The following HUWE1 variants were observed in gnomAD, a reference collection of about 807,000 sequenced individuals.
HUWE1 encodes the protein E3 ubiquitin-protein ligase HUWE1.
In HUWE1, 18 loss-of-function variants were observed where a neutral mutation model predicts 299.4. The ratio of observed to expected loss-of-function variants is 0.06; its 90% CI spans 0.04 to 0.09. The LOEUF (loss-of-function observed/expected upper bound fraction) is 0.09, where lower values mean the gene tolerates loss of function less well. Among genes scored for constraint, HUWE1 ranks in the 10% least tolerant of loss-of-function variants. The probability of loss-of-function intolerance (pLI) is 1.00; values close to 1 mark genes in which losing one functional copy is unlikely to be tolerated. For synonymous variants in HUWE1, 1,317 were observed against 1,286.1 expected (o/e 1.02, Z -0.51); for missense variants, 1,832 against 3,462.3 (o/e 0.53, Z 11.82).
In HUWE1 at chrX:53,534,087, G is replaced by C; in HGVS notation, c.12942C>G (p.Leu4314=). 1 of 1,210,769 alleles carries C rather than the reference G, an allele frequency of 8.3e-7. No homozygotes were observed. Among genetic ancestry groups the C allele is most frequent in the Non-Finnish European group, 1.1e-6 (1 of 894,521 alleles). The change falls in exon 83 of 84, where the codon CTC becomes CTG. Residue 4314 remains leucine (L), a synonymous_variant. Transcript: ENST00000262854. ...SKVPLQGFAA[L]EGMNGIQKFQ... is the part of the protein sequence containing the mutation. ...ACTTCTGAATGCCATTCATGCCTTC[G>C]AGGGCAGCAAAGCCTTGCAGGGGTA...
intron 8 of HUWE1, among the ~76,000 whole-genome samples, chrX:53,633,687 G>A (rs2067018584): frequency 8.9e-6 from 1 of 112,533 alleles, no homozygotes; most frequent in Admixed American, 9.4e-5. Flanking sequence ...AATAATTATT[G>A]AAAATCAAAT....
intron 26 of HUWE1, among the ~76,000 whole-genome samples, chrX:53,603,827 GTAT>G (rs1179825120): frequency 8.9e-6 from 1 of 112,186 alleles, no homozygotes; most frequent in Non-Finnish European, 1.9e-5. Flanking sequence ...TTTGGTAGGG[GTAT>G]TATTATTTCC....
chrX:53,651,678 G>A (rs2068482456), intron 4 of HUWE1, among the ~76,000 whole-genome samples: 1 of 111,174 alleles, frequency 9.0e-6, no homozygotes, highest in African/African-American at 3.3e-5. Context: ...CACACACGGA[G>A]GGCAGACTAT....
chrX:53,684,105 C>T (rs1850494795), intron 2 of HUWE1: 2 of 270,073 alleles, frequency 7.4e-6, no homozygotes, highest in Non-Finnish European at 1.3e-5. Context: ...GAAGTAGCTA[C>T]AGCTTCACCC....
chrX:53,663,678 T>C (rs1222452656), intron 3 of HUWE1, among the ~76,000 whole-genome samples: 1 of 110,806 alleles, frequency 9.0e-6, no homozygotes, highest in Non-Finnish European at 1.9e-5. Context: ...AAATTGGGGG[T>C]AGGGGACCAT....
chrX:53,561,433 C>A (rs1013152409), intron 55 of HUWE1, among the ~76,000 whole-genome samples: 2 of 112,808 alleles, frequency 1.8e-5, no homozygotes, highest in African/African-American at 6.4e-5. Context: ...GATTGCCCTG[C>A]CACTGTGGTG....
chrX:53,680,350 G>T (rs1434711069), intron 2 of HUWE1, among the ~76,000 whole-genome samples, 164 bp from the exon 3 acceptor site: 1 of 112,274 alleles, frequency 8.9e-6, no homozygotes, highest in Non-Finnish European at 1.9e-5. Flanking sequence ...GCTTTGAGAA[G>T]TAACTGAGGA....
At chrX:53,544,166 A>AC (rs1569416129) in intron 72 of HUWE1, among the ~76,000 whole-genome samples, 198 bp from the exon 73 acceptor site, 3 of 112,609 alleles carry the variant, frequency 2.7e-5, no homozygotes, top group Non-Finnish European at 5.6e-5. Flanking sequence ...ATGATGCTAG[A>AC]CAGACGGATG....
chrX:53,558,217 A>C (rs911509618), intron 59 of HUWE1, among the ~76,000 whole-genome samples: 9 of 111,867 alleles, frequency 8.0e-5, no homozygotes, highest in Non-Finnish European at 1.5e-4. Context: ...TTCAGAGTAC[A>C]AACATTTTCT....
rs782561903 is a variant in HUWE1 at position 53,577,221 on chromosome X, G to A, written c.5717-154C>T. Reference sequence around the variant, plus strand: ...GTTCAAGTACTCTACTATAAAACCTGGTTTATACTTTCCTTAAATTCCACA... The same window carrying A: ...GTTCAAGTACTCTACTATAAAACCTAGTTTATACTTTCCTTAAATTCCACA... On this transcript the variant is annotated intron_variant, in intron 43 of 83. Transcript: ENST00000262854. Among the ~76,000 whole-genome samples, 4 of 110,470 alleles carry A rather than the reference G, an allele frequency of 3.6e-5. No individual in the cohort carries two copies. The Admixed American group carries it at 3.8e-4, about 11-fold the overall frequency.
rs2060826543 is a variant in HUWE1, at chrX:53,532,734, G to C, written c.*575C>G. 1 of 108,965 alleles carries C rather than the reference G, an allele frequency of 9.2e-6. No homozygotes were observed. Among genetic ancestry groups the C allele is most frequent in the Non-Finnish European group, 1.9e-5 (1 of 52,498 alleles). The allele number at this position is 108,965 out of a possible 1,213,427, so 9.0% of individuals were successfully genotyped here. On this transcript the variant is annotated 3_prime_UTR_variant, in exon 84 of 84. Transcript: ENST00000262854. ...TCTTTTCTCCAGATGCCTAGCATGTGCTTAAGAGTTTTTTGTTTTTTTTTT... is the reference window on the plus strand; with the variant it reads ...TCTTTTCTCCAGATGCCTAGCATGTCCTTAAGAGTTTTTTGTTTTTTTTTT...
intron 19 of HUWE1, among the ~76,000 whole-genome samples, chrX:53,619,590 G>GAA (rs35685121): frequency 4.9e-5 from 2 of 41,153 alleles, no homozygotes; most frequent in African/African-American, 8.1e-5. Context: ...AGAAATAGAA[G>GAA]AAAAAAAAAA....
chrX:53,599,419 TC>T (rs2064694755), intron 29 of HUWE1, among the ~76,000 whole-genome samples: 2 of 111,959 alleles, frequency 1.8e-5, no homozygotes, highest in South Asian at 7.5e-4. Flanking sequence ...GTCTCCATTT[TC>T]CTCTATATTA....
chrX:53,619,683 G>A (rs1557010711), intron 19 of HUWE1, among the ~76,000 whole-genome samples: 2 of 109,405 alleles, frequency 1.8e-5, no homozygotes, highest in Non-Finnish European at 3.8e-5. Context: ...CAATAATGTA[G>A]CATTAGAATA....
chrX:53,644,531 GA>G (rs1557033907), intron 7 of HUWE1, among the ~76,000 whole-genome samples: 1 of 111,809 alleles, frequency 8.9e-6, no homozygotes, highest in African/African-American at 3.3e-5. Flanking sequence ...AACTTTAAGG[GA>G]GGTCTCATAG....
At chrX:53,587,378 G>A (rs1177606215) in intron 37 of HUWE1, among the ~76,000 whole-genome samples, 8 of 112,262 alleles carry the variant, frequency 7.1e-5, no homozygotes, top group African/African-American at 2.6e-4. Flanking sequence ...GAAATCACTG[G>A]AAGTAAATGT....
In HUWE1 at chrX:53,568,709, G is replaced by A; in HGVS notation, c.6690C>T (p.His2230=). Residue 2230 remains histidine, a synonymous_variant, in exon 49 of 84, where the codon CAC becomes CAT. Transcript: ENST00000262854. ...GATTTTACCTGGACAGGTCTAAGCT[G>A]TGAGGTACTCTGGCCAGGTCATTAA... is the stretch of plus-strand genomic sequence containing the variant. ...GLVNDLARVP[H]SLDLSSPNMA... The A allele has an allele frequency of 1.7e-6, 2 of 1,210,682 alleles. No individual in the cohort carries two copies. Among genetic ancestry groups the A allele is most frequent in the South Asian group, 3.5e-5 (2 of 56,734 alleles).
At chrX:53,606,105 G>T (rs1252687825) in intron 25 of HUWE1, among the ~76,000 whole-genome samples, 1 of 111,835 alleles carries the variant, frequency 8.9e-6, no homozygotes, top group Non-Finnish European at 1.9e-5. Flanking sequence ...AACAAAAAAA[G>T]AGAAGCTGAA....
At chrX:53,645,215 G>C in intron 7 of HUWE1, 96 bp downstream of exon 7, 1 of 926,933 alleles carries the variant, frequency 1.1e-6, no homozygotes, top group Non-Finnish European at 1.6e-6. Context: ...GTTAACTTAG[G>C]GATTCTAATA....
Sources: gnomAD v4.1 joint callset for allele counts (sites outside exome capture counted in the v4.1 genomes callset) on GRCh38, gnomAD v4.1.1 for gene constraint, MANE v1.5 for transcripts, NCBI Gene and HGNC (gene_info 2026-07-23, HGNC 2026-07-21) for gene names.